Variants in KIF6 observed in about 807,000 individuals in gnomAD.
The protein encoded by KIF6 is kinesin-like protein KIF6.
A neutral mutation model predicts 112.7 loss-of-function variants in KIF6; 106 were observed. That is an observed-to-expected ratio of 0.94 (90% confidence interval 0.80 to 1.11). The LOEUF is 1.11. Ranked by LOEUF, KIF6 falls within the 50% of genes least tolerant of loss-of-function variation. The pLI is 0.00. For missense variants in KIF6, 929 were observed against 964.0 expected (o/e 0.96, Z 0.48); for synonymous variants, 339 against 339.9 (o/e 1.00, Z 0.03).
At chr6:39,644,764 G>C (rs1358214460) in intron 3 of KIF6, among the ~76,000 whole-genome samples, 2 of 152,204 alleles carry the variant, frequency 1.3e-5, no homozygotes, top group South Asian at 2.1e-4. Flanking sequence ...TGGCACATTT[G>C]TACTAAAAAC....
intron 3 of KIF6, among the ~76,000 whole-genome samples, chr6:39,674,068 A>T (rs971215802): frequency 6.6e-6 from 1 of 152,200 alleles, no homozygotes; most frequent in African/African-American, 2.4e-5. Flanking sequence ...AATAAAATTA[A>T]CCAAGGGGGA....
rs768816553 is a variant in KIF6 at position 39,540,074 on chromosome 6, G to A, written c.1574C>T (p.Ser525Phe). 43 of 1,614,144 alleles carry A rather than the reference G, an allele frequency of 2.7e-5. No homozygotes were observed. Among genetic ancestry groups the A allele is most frequent in the Non-Finnish European group, 3.6e-5 (42 of 1,180,006 alleles). Reference sequence around the variant, plus strand: ...GTCCTGGGCCTGTGAGGGAGCTGAGGATAGTCGCATTCTTTGACCTTCTTC... The same window carrying A: ...GTCCTGGGCCTGTGAGGGAGCTGAGAATAGTCGCATTCTTTGACCTTCTTC... ...NPEEGQRMRLSSAPSQAQDFS... is the reference protein window; with the variant it reads ...NPEEGQRMRLFSAPSQAQDFS... The change falls in exon 13 of 23, where the codon TCC (serine) becomes TTC (phenylalanine). Residue 525 changes from serine to phenylalanine, a missense_variant. Physicochemically the swap from Ser to Phe is radical, Grantham distance 155 (BLOSUM62 -2). Around this residue, in one of 2 missense-constraint regions of KIF6, gnomAD observed 688 missense variants for 662.7 expected, o/e 1.04. Coordinates refer to ENST00000287152, the MANE Select transcript of KIF6 (RefSeq NM_145027.6).
intron 3 of KIF6, among the ~76,000 whole-genome samples, chr6:39,678,481 C>T (rs1267648758): frequency 1.3e-5 from 2 of 152,160 alleles, no homozygotes; most frequent in African/African-American, 4.8e-5. Flanking sequence ...TTCTTTCTTT[C>T]AAAACTGGGT....
chr6:39,665,977 C>A (rs76996319), intron 3 of KIF6, among the ~76,000 whole-genome samples: 1,534 of 152,266 alleles, frequency 0.01, 26 homozygotes, highest in African/African-American at 0.034. Context: ...GTCTTCTTAT[C>A]CTACCATGAA....
At chr6:39,391,815 G>A (rs996473464) in intron 15 of KIF6, among the ~76,000 whole-genome samples, 1 of 152,152 alleles carries the variant, frequency 6.6e-6, no homozygotes, top group African/African-American at 2.4e-5. Flanking sequence ...GAAGCACAGA[G>A]GGTTGAGTTA....
intron 13 of KIF6, among the ~76,000 whole-genome samples, chr6:39,479,099 G>A (rs1253274570): frequency 1.3e-5 from 2 of 152,072 alleles, no homozygotes; most frequent in Non-Finnish European, 2.9e-5. Flanking sequence ...AAGCTCTTTA[G>A]TTTAATTAGG....
chr6:39,673,853 C>G (rs1226070609), intron 3 of KIF6, among the ~76,000 whole-genome samples: 1 of 152,096 alleles, frequency 6.6e-6, no homozygotes, highest in South Asian at 2.1e-4. Context: ...AAATTAAGCT[C>G]TTTCACTGAA....
intron 13 of KIF6, among the ~76,000 whole-genome samples, chr6:39,462,178 A>AAAATGTATG: frequency 6.6e-6 from 1 of 152,276 alleles, no homozygotes; most frequent in East Asian, 1.9e-4. Context: ...ATGGCCAAAG[A>AAAATGTATG]AAATGTATGA....
At chr6:39,419,893 A>C in intron 15 of KIF6, 55 bp downstream of exon 15, 1 of 1,475,310 alleles carries the variant, frequency 6.8e-7, no homozygotes, top group Non-Finnish European at 9.5e-7. Flanking sequence ...TCATGACCTG[A>C]TTTTCACCAG....
chr6:39,492,463 T>TA (rs1169688152), intron 13 of KIF6, among the ~76,000 whole-genome samples: 1 of 152,180 alleles, frequency 6.6e-6, no homozygotes, highest in Non-Finnish European at 1.5e-5. Context: ...CAGTTGCAAA[T>TA]ACAGATCACT....
chr6:39,540,777 G>A (rs1778745472), intron 12 of KIF6, among the ~76,000 whole-genome samples: 1 of 152,228 alleles, frequency 6.6e-6, no homozygotes, highest in African/African-American at 2.4e-5. Flanking sequence ...TCACTCAGAT[G>A]GGGGCTTTTT....
chr6:39,472,963 C>T (rs1362515402), intron 13 of KIF6, among the ~76,000 whole-genome samples: 6 of 151,932 alleles, frequency 3.9e-5, no homozygotes, highest in Admixed American at 1.3e-4. Context: ...CTCAGCTCAC[C>T]GCAACCTCTG....
chr6:39,588,114 T>G (rs1273362628), intron 7 of KIF6, among the ~76,000 whole-genome samples: 1 of 152,180 alleles, frequency 6.6e-6, no homozygotes, highest in Non-Finnish European at 1.5e-5. Flanking sequence ...ATTACAAACT[T>G]TGTAGTGCCC....
intron 19 of KIF6, among the ~76,000 whole-genome samples, chr6:39,348,617 G>C (rs1581638825): frequency 6.6e-6 from 1 of 152,174 alleles, no homozygotes; most frequent in African/African-American, 2.4e-5. Flanking sequence ...CCTCTGGAGA[G>C]AGAACATACC....
intron 15 of KIF6, among the ~76,000 whole-genome samples, chr6:39,411,477 C>T (rs1336837005): frequency 6.6e-6 from 1 of 152,176 alleles, no homozygotes; most frequent in African/African-American, 2.4e-5. Context: ...GACCCCAAAT[C>T]CTATGAAAAG....
At chr6:39,629,255 C>T (rs1415955548) in intron 5 of KIF6, among the ~76,000 whole-genome samples, 3 of 152,084 alleles carry the variant, frequency 2.0e-5, no homozygotes, top group Non-Finnish European at 4.4e-5. Flanking sequence ...GCCAATTTGT[C>T]TTCCAAAGTG....
chr6:39,341,440 G>A (rs1243309142), intron 22 of KIF6, among the ~76,000 whole-genome samples: 2 of 152,076 alleles, frequency 1.3e-5, no homozygotes, highest in Admixed American at 6.5e-5. Context: ...CTCTCTCTCC[G>A]CAACTGTTGG....
rs1581672482 is a variant in KIF6, at chr6:39,361,107, C to T, written c.1947-577G>A. 3.9e-5 allele frequency among the ~76,000 whole-genome samples: 6 copies of T among 152,252 alleles called. No homozygotes were observed. In the South Asian group the frequency reaches 1.2e-3, roughly 32 times the overall value. Reference sequence around the variant, plus strand: ...GTAACACTGTGCTTATGAACGCATACATATATTGGTTTTGAGAATGCTATA... The same window carrying T: ...GTAACACTGTGCTTATGAACGCATATATATATTGGTTTTGAGAATGCTATA... On this transcript the variant is annotated intron_variant, in intron 17 of 22. Coordinates refer to ENST00000287152, the MANE Select transcript of KIF6 (RefSeq NM_145027.6).
intron 5 of KIF6, among the ~76,000 whole-genome samples, chr6:39,618,656 G>T (rs1359867867): frequency 2.6e-5 from 4 of 152,160 alleles, no homozygotes; most frequent in Non-Finnish European, 4.4e-5. Flanking sequence ...TAATTAAAAG[G>T]TTTTTAAAAA....
Sources: gnomAD v4.1 joint callset for allele counts (sites outside exome capture counted in the v4.1 genomes callset) on GRCh38, gnomAD v4.1.1 for gene constraint, gnomAD v4.1.1 regional missense constraint, MANE v1.5 for transcripts, NCBI Gene and HGNC (gene_info 2026-07-23, HGNC 2026-07-21) for gene names.